The following C1D variants were observed in gnomAD, a reference collection of about 807,000 sequenced individuals.
C1D encodes the protein nuclear nucleic acid-binding protein C1D.
Under a neutral mutation model 17.5 loss-of-function variants are expected in C1D, and 10 were observed. That is an observed-to-expected ratio of 0.57 (90% CI 0.35 to 0.97). The LOEUF is 0.97. C1D is among the 50% of genes least tolerant of loss of function. The probability of loss-of-function intolerance (pLI) is 0.01; values close to 1 mark genes in which losing one functional copy is unlikely to be tolerated. For synonymous variants in C1D, 49 were observed against 54.0 expected, an observed-to-expected ratio of 0.91 and a Z score of 0.40; for missense variants, 136 against 160.1, an observed-to-expected ratio of 0.85 and a Z score of 0.81.
chr2:68,047,491 CCTT>C (rs1376941739), intron 1 of C1D, among the ~76,000 whole-genome samples, 172 bp from the exon 2 acceptor site: 1 of 152,098 alleles, frequency 6.6e-6, no homozygotes, highest in African/African-American at 2.4e-5. Context: ...CAATTTGTCC[CCTT>C]CTTAAGTTTC....
At chr2:68,049,598 T>G (rs1671226286) in intron 1 of C1D, among the ~76,000 whole-genome samples, 1 of 152,076 alleles carries the variant, frequency 6.6e-6, no homozygotes, top group Non-Finnish European at 1.5e-5. Flanking sequence ...ACAAAGAGGT[T>G]CTAGTCCTAG....
chr2:68,050,304 A>C (rs72821820), intron 1 of C1D, among the ~76,000 whole-genome samples: 37,473 of 150,880 alleles, frequency 0.25, 4,851 homozygotes, highest in Non-Finnish European at 0.31. Context: ...AAGAAACAAA[A>C]AAAAAAAAAA....
chr2:68,047,825 T>C lies in C1D; in HGVS notation c.-9-506A>G, dbSNP rs530218241. ...TCAAAATCCTACATCTTAAAAACTG[T>C]TGAATTAGCAAAGCAATTAAAGTTT... is the stretch of plus-strand genomic sequence containing the variant. On this transcript the variant is annotated intron_variant, in intron 1 of 4. Transcript: ENST00000410067. Among the ~76,000 whole-genome samples, 188 of 152,338 alleles carry C rather than the reference T, an allele frequency of 1.2e-3. 3 individuals are homozygous for C. Among genetic ancestry groups the C allele is most frequent in the Non-Finnish European group, 1.8e-3 (125 of 68,034 alleles).
chr2:68,049,188 C>T (rs1311472593), intron 1 of C1D, among the ~76,000 whole-genome samples: 2 of 147,466 alleles, frequency 1.4e-5, no homozygotes, highest in Non-Finnish European at 3.0e-5. Flanking sequence ...CAGAGTTAGA[C>T]TGTCTCTCAA....
At chr2:68,054,808 T>A (rs907193850) in intron 1 of C1D, among the ~76,000 whole-genome samples, 3 of 147,562 alleles carry the variant, frequency 2.0e-5, no homozygotes, top group East Asian at 2.0e-4. Flanking sequence ...AAAAAAAAAA[T>A]ATTTTTAATT....
chr2:68,043,679 A>T (rs1327436564), intron 4 of C1D, among the ~76,000 whole-genome samples: 1 of 152,246 alleles, frequency 6.6e-6, no homozygotes, highest in Non-Finnish European at 1.5e-5. Flanking sequence ...GAATCTTCTG[A>T]GACAATTAAT....
At chr2:68,060,915 C>T (rs1453208557) in intron 1 of C1D, among the ~76,000 whole-genome samples, 1 of 152,050 alleles carries the variant, frequency 6.6e-6, no homozygotes, top group African/African-American at 2.4e-5. Flanking sequence ...TATTTGTTTA[C>T]TAACTAAAAC....
chr2:68,051,558 T>G (rs1671283045), intron 1 of C1D, among the ~76,000 whole-genome samples: 1 of 152,058 alleles, frequency 6.6e-6, no homozygotes, highest in African/African-American at 2.4e-5. Flanking sequence ...TTCAAAAAGC[T>G]CAACACAATC....
rs372000744 is a variant in C1D, at chr2:68,047,330, T to C, written c.-9-11A>G. ...TGCCATTATGGCTGACTGGAAAAAA[T>C]TAAATTCTTTGAATTCATATTAGAG... On this transcript the variant is annotated splice_polypyrimidine_tract_variant and intron_variant, in intron 1 of 4. Coordinates refer to ENST00000410067, the MANE Select transcript of C1D (RefSeq NM_173177.3). The C allele has an allele frequency of 2.4e-5, 38 of 1,594,232 alleles. No homozygotes were observed. Among genetic ancestry groups the C allele is most frequent in the Non-Finnish European group, 3.1e-5 (36 of 1,172,998 alleles).
At chr2:68,047,987 T>C (rs1328526569) in intron 1 of C1D, among the ~76,000 whole-genome samples, 1 of 152,146 alleles carries the variant, frequency 6.6e-6, no homozygotes, top group East Asian at 1.9e-4. Context: ...GTAAAAATCT[T>C]AGGTCTAAAA....
At chr2:68,044,363 A>T (rs1367760782) in intron 4 of C1D, among the ~76,000 whole-genome samples, 1 of 152,230 alleles carries the variant, frequency 6.6e-6, no homozygotes, top group African/African-American at 2.4e-5. Context: ...CATTTGTGAT[A>T]CATACGGCAA....
In C1D at chr2:68,046,358, T is replaced by C. The variant is rs1671121282; in HGVS notation, c.191A>G (p.Asn64Ser). ...AACACACATACCCCAAAACATTGAATTTAATGTGTATGCAGAAACCAAATC... is the reference window on the plus strand; with the variant it reads ...AACACACATACCCCAAAACATTGAACTTAATGTGTATGCAGAAACCAAATC... ...KVDLVSAYTL[N>S]SMFWVYLATQ... The change falls in exon 3 of 5, where the codon AAT (asparagine) becomes AGT (serine). Residue 64 changes from asparagine (N) to serine (S), a missense_variant. By Grantham distance (46) the Asn-to-Ser change is conservative (BLOSUM62 1). Transcript: ENST00000410067. The C allele has an allele frequency of 1.2e-6, 2 of 1,611,482 alleles. No homozygotes were observed. The highest frequency in any genetic ancestry group is 1.7e-6 in the Non-Finnish European group (2 of 1,178,348).
chr2:68,062,695 A>C (rs987698649), intron 1 of C1D, among the ~76,000 whole-genome samples: 4 of 152,264 alleles, frequency 2.6e-5, no homozygotes, highest in Admixed American at 2.0e-4. Flanking sequence ...ACGAAGAAAA[A>C]GAGAGAGACC....
intron 1 of C1D, among the ~76,000 whole-genome samples, chr2:68,048,032 ATATT>A (rs1671181532): frequency 6.6e-6 from 1 of 152,158 alleles, no homozygotes; most frequent in Admixed American, 6.5e-5. Context: ...AAGCCTATAT[ATATT>A]TATATTCCTT....
chr2:68,041,403 T>C lies in C1D; in HGVS notation c.*1486A>G, dbSNP rs1670955058. On this transcript the variant is annotated 3_prime_UTR_variant, in exon 5 of 5. Coordinates refer to ENST00000410067, the MANE Select transcript of C1D (RefSeq NM_173177.3). ...GAAATCCAAATAAATTTCTTTGCAA[T>C]AAATAACACAAAGACAGGTACACTA... The C allele has an allele frequency of 6.6e-6, 1 of 152,010 alleles. No homozygotes were observed. Among genetic ancestry groups the C allele is most frequent in the African/African-American group, 2.4e-5 (1 of 41,442 alleles). 9.4% of individuals were successfully genotyped at this position (152,010 alleles called of 1,614,324 possible).
rs542040282 is a variant in C1D at position 68,041,321 on chromosome 2, A to C, written c.*1568T>G. ...CTAAAACCAATAATGATTTTCTGCA[A>C]TTGTATAACATTTTTCATTTAAGCT... is the stretch of plus-strand genomic sequence containing the variant. On this transcript the variant is annotated 3_prime_UTR_variant, in exon 5 of 5. Coordinates refer to ENST00000410067, the MANE Select transcript of C1D (RefSeq NM_173177.3). 3 of 152,206 alleles carry C rather than the reference A, an allele frequency of 2.0e-5. No homozygotes were observed. In the South Asian group the frequency reaches 6.2e-4, roughly 31 times the overall value. The allele number at this position is 152,206 out of a possible 1,614,324, so 9.4% of individuals were successfully genotyped here.
intron 4 of C1D, among the ~76,000 whole-genome samples, chr2:68,044,537 T>G (rs1172365165): frequency 6.6e-6 from 1 of 151,822 alleles, no homozygotes; most frequent in African/African-American, 2.4e-5. Flanking sequence ...TGAAACCCCG[T>G]CTCTACTGAA....
intron 2 of C1D, 93 bp downstream of exon 2, chr2:68,047,080 T>C (rs1293439038): frequency 8.8e-7 from 1 of 1,141,644 alleles, no homozygotes; most frequent in Non-Finnish European, 1.2e-6. Flanking sequence ...AAAAGGGGCA[T>C]AGGTCATTAA....
rs760557961 is a variant in C1D at position 68,043,012 on chromosome 2, T to G, written c.303A>C (p.Thr101=). The change falls in exon 5 of 5, where the codon ACA becomes ACC. Residue 101 remains threonine (T), a synonymous_variant. Transcript: ENST00000410067. ...CCAGCTTGCCAGCCTTTTTCTTGTC[T>G]GTTATTTCCTTGACTCTGTTCATAT... ...RVYMNRVKEI[T]DKKKAGKLDR... 28 of 1,610,448 alleles carry G rather than the reference T, an allele frequency of 1.7e-5. No homozygotes were observed. Among genetic ancestry groups the G allele is most frequent in the Middle Eastern group, 1.6e-4 (1 of 6,068 alleles).
Sources: gnomAD v4.1 joint callset for allele counts (sites outside exome capture counted in the v4.1 genomes callset) on GRCh38, gnomAD v4.1.1 for gene constraint, MANE v1.5 for transcripts, NCBI Gene and HGNC (gene_info 2026-07-23, HGNC 2026-07-21) for gene names.